The following C2CD2 variants were observed in gnomAD, a reference collection of about 807,000 sequenced individuals.
C2CD2 encodes the protein C2 domain-containing protein 2.
In C2CD2, 43 loss-of-function variants were observed where a neutral mutation model predicts 74.3. That is an observed-to-expected ratio of 0.58 (90% confidence interval 0.45 to 0.75). C2CD2 has a LOEUF of 0.75. C2CD2 is among the 30% of genes least tolerant of loss of function. The pLI is 0.00. For missense variants in C2CD2, 801 were observed against 916.3 expected, an observed-to-expected ratio of 0.87 and a Z score of 1.63; for synonymous variants, 422 against 390.7, an observed-to-expected ratio of 1.08 and a Z score of -0.94.
intron 2 of C2CD2, among the ~76,000 whole-genome samples, chr21:41,933,721 C>A (rs955980961): frequency 7.2e-5 from 11 of 152,174 alleles, no homozygotes; most frequent in Non-Finnish European, 1.2e-4. Flanking sequence ...TGCATAGGAT[C>A]CAGGCTGGCA....
chr21:41,917,355 A>T (rs575738834), intron 5 of C2CD2, among the ~76,000 whole-genome samples: 19 of 152,260 alleles, frequency 1.2e-4, no homozygotes, highest in South Asian at 2.1e-4. Context: ...CATTATAATA[A>T]AGATGTATTT....
At chr21:41,921,695 C>G (rs1464586699) in intron 3 of C2CD2, among the ~76,000 whole-genome samples, 1 of 152,142 alleles carries the variant, frequency 6.6e-6, no homozygotes, top group African/African-American at 2.4e-5. Flanking sequence ...TATCCGTCAA[C>G]AACACCCTGC....
chr21:41,919,046 G>A (rs1289943956), intron 3 of C2CD2, 86 bp from the exon 4 acceptor site: 9 of 927,736 alleles, frequency 9.7e-6, no homozygotes, highest in East Asian at 7.2e-5. Flanking sequence ...GTGTGAGCAT[G>A]TGTGTGTGCA....
rs2065210172 is a variant in C2CD2 at position 41,926,208 on chromosome 21, T to C, written c.379-4123A>G. 2.6e-5 allele frequency among the ~76,000 whole-genome samples: 4 copies of C among 152,176 alleles called. No homozygotes were observed. In the South Asian group the frequency reaches 8.3e-4, roughly 32 times the overall value. ...ACCAACCATCCCCCAACCTGCATTT[T>C]TTTGACATTTTTTTTCCCCAAAACA... On this transcript the variant is annotated intron_variant, in intron 2 of 13. Transcript: ENST00000380486. This position sits in a 1 kb window ranked among gnomAD's most constrained non-coding sequence, Gnocchi z 8.0.
At position 41,922,160 on chromosome 21, in the gene C2CD2, C is replaced by CTTTT. The variant is rs375824611; in HGVS notation, c.379-76_379-75insAAAA. On this transcript the variant is annotated intron_variant, in intron 2 of 13. Coordinates refer to ENST00000380486, the MANE Select transcript of C2CD2 (RefSeq NM_015500.2). ...GCGCGTGCATACGCATCTTCTTCTT[C>CTTTT]TTCTTTTTTTTTTTTTGAGACAAGG... 4.7e-5 allele frequency: 34 copies of CTTTT among 726,600 alleles called. 2 individuals carry two copies. Among genetic ancestry groups the CTTTT allele is most frequent in the Admixed American group, 5.3e-5 (2 of 37,864 alleles). 45.0% of individuals were successfully genotyped at this position (726,600 alleles called of 1,614,324 possible).
intron 1 of C2CD2, among the ~76,000 whole-genome samples, chr21:41,946,477 G>A (rs528391201): frequency 6.6e-6 from 1 of 152,170 alleles, no homozygotes; most frequent in African/African-American, 2.4e-5. Flanking sequence ...AGCACCTCCC[G>A]CCTCTTTCTC....
chr21:41,902,482 C>T (rs1234991423), intron 11 of C2CD2, among the ~76,000 whole-genome samples: 1 of 152,168 alleles, frequency 6.6e-6, no homozygotes, highest in African/African-American at 2.4e-5. Context: ...CCCATTTGAC[C>T]ATTGAGGAGT....
intron 1 of C2CD2, among the ~76,000 whole-genome samples, chr21:41,946,416 G>A (rs759033153): frequency 2.4e-4 from 37 of 152,262 alleles, no homozygotes; most frequent in Admixed American, 4.6e-4. Flanking sequence ...TCTCCCCTTG[G>A]TGCTGTACAG....
In C2CD2 at chr21:41,908,007, G is replaced by T. The variant is rs1198564165; in HGVS notation, c.1019-223C>A. On this transcript the variant is annotated intron_variant, in intron 8 of 13. Transcript: ENST00000380486. ...CAGAGGATGCTAAAGCAATAAGACA[G>T]GCAGGCAATGTCCGGCCCTGTGCCG... 7.2e-6 allele frequency: 4 copies of T among 556,352 alleles called. No individual in the cohort carries two copies. The East Asian group carries it at 1.3e-4, about 18-fold the overall frequency. The allele number at this position is 556,352 out of a possible 1,614,324, so 34.5% of individuals were successfully genotyped here.
Position 41,907,648 on chromosome 21 carries a change from G to T in C2CD2, c.1143+12C>A. The T allele has an allele frequency of 6.2e-7, 1 of 1,607,524 alleles. No homozygotes were observed. The highest frequency in any genetic ancestry group is 8.5e-7 in the Non-Finnish European group (1 of 1,178,224). On this transcript the variant is annotated intron_variant, in intron 9 of 13. Coordinates refer to ENST00000380486, the MANE Select transcript of C2CD2 (RefSeq NM_015500.2). The stretch of plus-strand genomic sequence containing the variant: ...AGCCGGAACCCGGCCGCGGCGGACA[G>T]CCTCGCCCTACCTCTGCCGTGACCG...
At chr21:41,941,740 C>T (rs2065355736) in intron 2 of C2CD2, among the ~76,000 whole-genome samples, 1 of 152,282 alleles carries the variant, frequency 6.6e-6, no homozygotes, top group Non-Finnish European at 1.5e-5. Context: ...TTCAACCCAT[C>T]AGCAGTTACT....
At chr21:41,922,336 T>C (rs2065164353) in intron 2 of C2CD2, among the ~76,000 whole-genome samples, 1 of 152,064 alleles carries the variant, frequency 6.6e-6, no homozygotes, top group Non-Finnish European at 1.5e-5. Context: ...TTTTTGTTTT[T>C]GTCTTTTTTG....
chr21:41,926,121 C>A lies in C2CD2; in HGVS notation c.379-4036G>T, dbSNP rs2065208679. Among the ~76,000 whole-genome samples the A allele has an allele frequency of 6.6e-6, 1 of 152,180 alleles. No individual in the cohort carries two copies. Among genetic ancestry groups the A allele is most frequent in the Non-Finnish European group, 1.5e-5 (1 of 68,028 alleles). On this transcript the variant is annotated intron_variant, in intron 2 of 13. Coordinates refer to ENST00000380486, the MANE Select transcript of C2CD2 (RefSeq NM_015500.2). This position sits in a 1 kb window ranked among gnomAD's most constrained non-coding sequence, Gnocchi z 8.0. Reference sequence around the variant, plus strand: ...CAGAGGACAGGAGTGAACCCCCAGCCCCAGGGAAGAACTCCACAGAGCCCA... The same window carrying A: ...CAGAGGACAGGAGTGAACCCCCAGCACCAGGGAAGAACTCCACAGAGCCCA...
At position 41,886,288 on chromosome 21, in the gene C2CD2, A is replaced by G. The variant is rs1799449654; in HGVS notation, c.*2836T>C. On this transcript the variant is annotated 3_prime_UTR_variant, in exon 14 of 14. Coordinates refer to ENST00000380486, the MANE Select transcript of C2CD2 (RefSeq NM_015500.2). ...AGCTTGTAGAAGAGGTGAGGCGATA[A>G]AGGTGATTTACACATCAGTATTTTT... 1 of 152,374 alleles carries G rather than the reference A, an allele frequency of 6.6e-6. No individual in the cohort carries two copies. Among genetic ancestry groups the G allele is most frequent in the Non-Finnish European group, 1.5e-5 (1 of 68,036 alleles). 9.4% of individuals were successfully genotyped at this position (152,374 alleles called of 1,614,324 possible).
intron 1 of C2CD2, among the ~76,000 whole-genome samples, chr21:41,947,769 A>T (rs1036926456): frequency 6.6e-6 from 1 of 152,156 alleles, no homozygotes; most frequent in African/African-American, 2.4e-5. Context: ...GATTGAATCC[A>T]GTTTTCCCTT....
In C2CD2 at chr21:41,885,795, G is replaced by T. The variant is rs1476364032; in HGVS notation, c.*3329C>A. On this transcript the variant is annotated 3_prime_UTR_variant, in exon 14 of 14. Coordinates refer to ENST00000380486, the MANE Select transcript of C2CD2 (RefSeq NM_015500.2). ...CAACTTTGCAACTCTCGTCTATAGAGGTGGCCAGTAAAACCCAAGCAAAAA... is the reference window on the plus strand; with the variant it reads ...CAACTTTGCAACTCTCGTCTATAGATGTGGCCAGTAAAACCCAAGCAAAAA... The T allele has an allele frequency of 2.6e-5, 4 of 152,302 alleles. No individual in the cohort carries two copies. Among genetic ancestry groups the T allele is most frequent in the African/African-American group, 7.2e-5 (3 of 41,434 alleles). The allele number at this position is 152,302 out of a possible 1,614,324, so 9.4% of individuals were successfully genotyped here. A position where few individuals can be genotyped will look rare whatever the true frequency, so the allele number is the denominator to read the frequency against.
intron 11 of C2CD2, among the ~76,000 whole-genome samples, chr21:41,905,157 T>G (rs1264930711): frequency 6.6e-6 from 1 of 152,172 alleles, no homozygotes; most frequent in East Asian, 1.9e-4. Context: ...AAATTTAAAA[T>G]GTAAAGTCTC....
At chr21:41,900,316 C>T (rs768961606) in intron 12 of C2CD2, among the ~76,000 whole-genome samples, 1 of 152,146 alleles carries the variant, frequency 6.6e-6, no homozygotes, top group Non-Finnish European at 1.5e-5. Flanking sequence ...ATAATCTGAG[C>T]ACCAATAAAA....
chr21:41,908,243 T>TTGTGTGTGTGTGTG (rs10528071), intron 8 of C2CD2: 22,358 of 168,836 alleles, frequency 0.13, 2,480 homozygotes, highest in African/African-American at 0.27. Flanking sequence ...TACCCTCAAG[T>TTGTGTGTGTGTGTG]TGTGTGTGTG....
Sources: gnomAD v4.1 joint callset for allele counts (sites outside exome capture counted in the v4.1 genomes callset) on GRCh38, gnomAD v4.1.1 for gene constraint, Gnocchi (gnomAD v3.1) non-coding constraint, MANE v1.5 for transcripts, NCBI Gene and HGNC (gene_info 2026-07-23, HGNC 2026-07-21) for gene names.